The following FAM169A variants were observed in gnomAD, a reference collection of about 807,000 sequenced individuals.
FAM169A encodes soluble lamin-associated protein of 75 kDa.
A neutral mutation model predicts 75.7 loss-of-function variants in FAM169A; 24 were observed. The ratio of observed to expected loss-of-function variants is 0.32; its 90% CI spans 0.23 to 0.45. FAM169A has a LOEUF of 0.45. Among genes scored for constraint, FAM169A ranks in the 20% least tolerant of loss-of-function variants. The pLI is 1.00. For synonymous variants in FAM169A, 271 were observed against 271.0 expected (o/e 1.00, Z 0.00); for missense variants, 673 against 784.0 (o/e 0.86, Z 1.69).
At chr5:74,803,003 CA>C (rs1283084806) in intron 8 of FAM169A, among the ~76,000 whole-genome samples, 1 of 151,896 alleles carries the variant, frequency 6.6e-6, no homozygotes, top group East Asian at 1.9e-4. Flanking sequence ...TGGCTACTAA[CA>C]AAAAGAGATA....
rs1277924232 is a variant in FAM169A at position 74,780,497 on chromosome 5, G to T, written c.*963C>A. The T allele has an allele frequency of 1.3e-5, 2 of 152,192 alleles. No individual in the cohort carries two copies. The highest frequency in any genetic ancestry group is 1.9e-4 in the East Asian group (1 of 5,190). 9.4% of individuals were successfully genotyped at this position (152,192 alleles called of 1,614,324 possible). On this transcript the variant is annotated 3_prime_UTR_variant, in exon 13 of 13. Coordinates refer to ENST00000687041, the MANE Select transcript of FAM169A (RefSeq NM_001376049.1). ...GACTGTAGAATTAGGGAGGTGGCAAGATTTAAGGAGATGCCTTAGGAAGGA... is the reference window on the plus strand; with the variant it reads ...GACTGTAGAATTAGGGAGGTGGCAATATTTAAGGAGATGCCTTAGGAAGGA...
At chr5:74,864,713 C>A (rs996908663) in intron 1 of FAM169A, among the ~76,000 whole-genome samples, 1 of 152,122 alleles carries the variant, frequency 6.6e-6, no homozygotes, top group Non-Finnish European at 1.5e-5. Context: ...AAACAGATCC[C>A]CATCATTAAC....
intron 11 of FAM169A, among the ~76,000 whole-genome samples, chr5:74,791,555 G>A (rs191823484): frequency 6.6e-6 from 1 of 152,324 alleles, no homozygotes; most frequent in African/African-American, 2.4e-5. Context: ...GAGTTACAGT[G>A]TTGGCTGGGG....
chr5:74,823,444 C>T (rs761211882), intron 5 of FAM169A, among the ~76,000 whole-genome samples: 1 of 152,176 alleles, frequency 6.6e-6, no homozygotes, highest in Non-Finnish European at 1.5e-5. Flanking sequence ...TAACTACTTG[C>T]TTTCAAAGAC....
At chr5:74,820,082 C>A (rs1747699412) in intron 5 of FAM169A, among the ~76,000 whole-genome samples, 1 of 150,762 alleles carries the variant, frequency 6.6e-6, no homozygotes, top group Non-Finnish European at 1.5e-5. Flanking sequence ...GCAACCTCCA[C>A]CTCCTGGGTT....
chr5:74,821,103 T>C (rs887664266), intron 5 of FAM169A, among the ~76,000 whole-genome samples: 1 of 152,210 alleles, frequency 6.6e-6, no homozygotes, highest in African/African-American at 2.4e-5. Flanking sequence ...TTTGGTTGTC[T>C]TCACATCATC....
chr5:74,853,808 C>T (rs1247194470), intron 1 of FAM169A, among the ~76,000 whole-genome samples: 6 of 149,328 alleles, frequency 4.0e-5, no homozygotes, highest in Non-Finnish European at 8.9e-5. Context: ...CCCGGGTTCA[C>T]GCCATTCTCC....
Position 74,778,653 on chromosome 5 carries a change from A to T in FAM169A, c.*2807T>A, listed in dbSNP as rs1343769575. The T allele has an allele frequency of 6.6e-6, 1 of 152,116 alleles. No homozygotes were observed. Among genetic ancestry groups the T allele is most frequent in the East Asian group, 1.9e-4 (1 of 5,194 alleles). The allele number at this position is 152,116 out of a possible 1,614,324, so 9.4% of individuals were successfully genotyped here. A position where few individuals can be genotyped will look rare whatever the true frequency, so the allele number is the denominator to read the frequency against. On this transcript the variant is annotated 3_prime_UTR_variant, in exon 13 of 13. Coordinates refer to ENST00000687041, the MANE Select transcript of FAM169A (RefSeq NM_001376049.1). The stretch of plus-strand genomic sequence containing the variant: ...AAAAGTTGTAGAGGAGCTTTATAAT[A>T]AATTCTTAAATATACTAATTTCTGT...
At chr5:74,800,180 C>T (rs1391415566) in intron 10 of FAM169A, 2 of 393,648 alleles carry the variant, frequency 5.1e-6, no homozygotes, top group Non-Finnish European at 4.7e-6. Context: ...ACACTGAAAA[C>T]ACATATCACG....
intron 8 of FAM169A, among the ~76,000 whole-genome samples, chr5:74,802,431 G>A (rs1204069719): frequency 1.3e-5 from 2 of 150,632 alleles, no homozygotes; most frequent in Middle Eastern, 3.5e-3. Flanking sequence ...CCACTGCTTA[G>A]AATACAAATT....
At chr5:74,795,994 A>G (rs763677451) in intron 11 of FAM169A, 36 bp downstream of exon 11, 2 of 1,592,632 alleles carry the variant, frequency 1.3e-6, no homozygotes, top group Non-Finnish European at 1.7e-6. Context: ...AATTTAGTTT[A>G]CTTTTTTTCA....
intron 5 of FAM169A, among the ~76,000 whole-genome samples, chr5:74,816,105 T>C (rs1146145): frequency 6.6e-6 from 1 of 152,202 alleles, no homozygotes; most frequent in Non-Finnish European, 1.5e-5. Context: ...AACAGTCTCA[T>C]CAACAAGCTA....
intron 1 of FAM169A, among the ~76,000 whole-genome samples, chr5:74,845,721 G>A (rs1416843634): frequency 6.6e-6 from 1 of 152,112 alleles, no homozygotes; most frequent in Non-Finnish European, 1.5e-5. Context: ...AATGATTTGG[G>A]AGTAATACCA....
At chr5:74,790,239 G>A (rs1390492644) in intron 11 of FAM169A, among the ~76,000 whole-genome samples, 4 of 152,216 alleles carry the variant, frequency 2.6e-5, no homozygotes, top group Non-Finnish European at 5.9e-5. Flanking sequence ...AGATGGTTCT[G>A]CATGATATGC....
At chr5:74,798,654 G>T (rs543672175) in intron 10 of FAM169A, among the ~76,000 whole-genome samples, 3 of 152,146 alleles carry the variant, frequency 2.0e-5, no homozygotes, top group African/African-American at 7.2e-5. Context: ...GGTTGACTCA[G>T]GAACAGTTGG....
chr5:74,862,616 A>C (rs542756843), intron 1 of FAM169A, among the ~76,000 whole-genome samples: 2 of 152,324 alleles, frequency 1.3e-5, no homozygotes, highest in South Asian at 4.1e-4. Flanking sequence ...CATCTTTAAG[A>C]CTGAATTTCT....
Position 74,781,488 on chromosome 5 carries a change from G to C in FAM169A, c.1985C>G (p.Pro662Arg). 1.9e-6 allele frequency: 3 copies of C among 1,614,064 alleles called. No homozygotes were observed. The highest frequency in any genetic ancestry group is 1.3e-5 in the African/African-American group (1 of 75,026). The change falls in exon 13 of 13, where the codon CCT (proline) becomes CGT (arginine). Residue 662 changes from proline (P) to arginine (R), a missense_variant. Physicochemically the swap from Pro to Arg is moderately radical, Grantham distance 103. Transcript: ENST00000687041. ...LRRKAKGHKGPAKKKAKLT is the reference protein window; with the variant it reads ...LRRKAKGHKGRAKKKAKLT ...GGTCAGCTTAGCTTTCTTCTTAGCA[G>C]GTCCTTTATGCCCTTTGGCCTTTCT...
chr5:74,836,220 C>T (rs1026096632), intron 4 of FAM169A, among the ~76,000 whole-genome samples: 2 of 152,186 alleles, frequency 1.3e-5, no homozygotes, highest in South Asian at 2.1e-4. Context: ...CTTTTTCATA[C>T]GTACTGTTGT....
chr5:74,848,478 T>C (rs1358851109), intron 1 of FAM169A, among the ~76,000 whole-genome samples: 1 of 152,216 alleles, frequency 6.6e-6, no homozygotes, highest in African/African-American at 2.4e-5. Context: ...CATGGTTACA[T>C]AACATTTTCT....
Sources: allele counts gnomAD v4.1 joint callset (sites outside exome capture counted in the v4.1 genomes callset), GRCh38; gene constraint gnomAD v4.1.1; transcripts MANE v1.5; gene names NCBI Gene and HGNC (gene_info 2026-07-23, HGNC 2026-07-21).